The following USP45 variants were observed in gnomAD, a reference collection of about 807,000 sequenced individuals.
USP45 encodes ubiquitin carboxyl-terminal hydrolase 45.
Under a neutral mutation model 95.8 loss-of-function variants are expected in USP45, and 89 were observed. The ratio of observed to expected loss-of-function variants is 0.93; its 90% confidence interval spans 0.78 to 1.11. The LOEUF (loss-of-function observed/expected upper bound fraction) is 1.11, where lower values mean the gene tolerates loss of function less well. Ranked by LOEUF, USP45 falls within the 50% of genes least tolerant of loss-of-function variation. USP45 has a pLI of 0.00. For missense variants in USP45, 898 were observed against 942.5 expected (o/e 0.95, Z 0.62); for synonymous variants, 281 against 316.2 (o/e 0.89, Z 1.18).
rs891436891 is a variant in USP45, at chr6:99,446,021, G to T, written c.1751C>A (p.Ser584Ter). The change falls in exon 14 of 18, where the codon TCA (serine) becomes TAA (stop). Residue 584 changes from serine to a stop codon, truncating the protein, a stop_gained. Transcript: ENST00000500704. LOFTEE classifies it high-confidence loss of function. The stretch of plus-strand genomic sequence containing the variant: ...CCCCTCTAAAAAACATAAATTATTT[G>T]AAATATTTAGTGGCTGATTTTCTCT... ...FDRENQPLNI[S>*]NNLCFLEGKH... is the part of the protein sequence containing the mutation. The T allele has an allele frequency of 3.7e-6, 6 of 1,613,866 alleles. No individual in the cohort carries two copies. Among genetic ancestry groups the T allele is most frequent in the African/African-American group, 1.3e-5 (1 of 74,898 alleles).
At chr6:99,444,255 T>A (rs909488579) in intron 14 of USP45, among the ~76,000 whole-genome samples, 1 of 152,160 alleles carries the variant, frequency 6.6e-6, no homozygotes, top group Non-Finnish European at 1.5e-5. Flanking sequence ...CTACAAGCGA[T>A]CCTCATGCCT....
rs546482266 is a variant in USP45 at position 99,512,800 on chromosome 6, T to C, written c.-10-2570A>G. ...CTGAGTTCCTTGAGCACTTCATCTC[T>C]ACCTTCTCCCTCCAAACTTCCTCAT... On this transcript the variant is annotated intron_variant, in intron 1 of 17. Coordinates refer to ENST00000500704, the MANE Select transcript of USP45 (RefSeq NM_001346022.3). Among the ~76,000 whole-genome samples the C allele has an allele frequency of 4.6e-5, 7 of 150,930 alleles. No homozygotes were observed. The East Asian group carries it at 7.9e-4, about 17-fold the overall frequency.
chr6:99,449,073 A>G (rs1562315228), intron 13 of USP45, among the ~76,000 whole-genome samples: 1 of 152,236 alleles, frequency 6.6e-6, no homozygotes, highest in Non-Finnish European at 1.5e-5. Context: ...AAAACATGCC[A>G]AACTGTAAAG....
rs1248403117 is a variant in USP45, at chr6:99,494,939, T to TA, written c.479-6120dup. 2.6e-5 allele frequency among the ~76,000 whole-genome samples: 4 copies of TA among 151,920 alleles called. No homozygotes were observed. In the East Asian group the frequency reaches 5.8e-4, roughly 22 times the overall value. ...GTTCAAGGATATTAAATCATAAACATAAAAAAACTCAAAAGTACCAGCAAA... is the reference window on the plus strand; with the variant it reads ...GTTCAAGGATATTAAATCATAAACATAAAAAAAACTCAAAAGTACCAGCAAA... On this transcript the variant is annotated intron_variant, in intron 5 of 17. Transcript: ENST00000500704.
intron 16 of USP45, among the ~76,000 whole-genome samples, chr6:99,439,055 T>G (rs767186220): frequency 6.6e-6 from 1 of 152,238 alleles, no homozygotes; most frequent in Non-Finnish European, 1.5e-5. Flanking sequence ...ACACTGTAAT[T>G]CAACCAAAAA....
chr6:99,473,328 T>C (rs1228320711), intron 9 of USP45, among the ~76,000 whole-genome samples: 1 of 151,520 alleles, frequency 6.6e-6, no homozygotes, highest in Non-Finnish European at 1.5e-5. Flanking sequence ...TTACTTGAGG[T>C]CCGGAGTTCG....
In USP45 at chr6:99,461,667, T is replaced by G. The variant is rs185590777; in HGVS notation, c.1308+2937A>C. 9.6e-4 allele frequency: 945 copies of G among 984,326 alleles called. 11 individuals are homozygous for G. In the African/African-American group the frequency reaches 0.015, roughly 16 times the overall value. 61.0% of individuals were successfully genotyped at this position (984,326 alleles called of 1,614,324 possible). A position where few individuals can be genotyped will look rare whatever the true frequency, so the allele number is the denominator to read the frequency against. ...TTCTTCATATTAAGTTTTTGTGTGG[T>G]TTTAATGAGATAACTCATATAATTT... On this transcript the variant is annotated intron_variant, in intron 13 of 17. Transcript: ENST00000500704.
intron 5 of USP45, among the ~76,000 whole-genome samples, chr6:99,501,370 A>G (rs186578150): frequency 1.7e-3 from 263 of 152,314 alleles, no homozygotes; most frequent in Non-Finnish European, 2.3e-3. Flanking sequence ...AAAAAATAAA[A>G]ATTCCTTACC....
chr6:99,496,758 TA>T (rs796331280), intron 5 of USP45, among the ~76,000 whole-genome samples: 162 of 149,868 alleles, frequency 1.1e-3, no homozygotes, highest in Admixed American at 3.7e-3. Context: ...TGGCCCACTT[TA>T]AAAAAAAAAA....
At chr6:99,452,938 A>G (rs1046051046) in intron 13 of USP45, among the ~76,000 whole-genome samples, 1 of 152,170 alleles carries the variant, frequency 6.6e-6, no homozygotes, top group Non-Finnish European at 1.5e-5. Flanking sequence ...CAAAAAACCA[A>G]ACACTGCATG....
chr6:99,473,652 G>A (rs937797884), intron 9 of USP45, among the ~76,000 whole-genome samples: 3 of 152,056 alleles, frequency 2.0e-5, no homozygotes, highest in Non-Finnish European at 4.4e-5. Context: ...CTACTCGGGA[G>A]GCTGAGGCAG....
chr6:99,475,754 C>G (rs1227940739), intron 9 of USP45, among the ~76,000 whole-genome samples: 1 of 152,148 alleles, frequency 6.6e-6, no homozygotes, highest in African/African-American at 2.4e-5. Flanking sequence ...AATATTTACT[C>G]TAAAAAATTA....
intron 13 of USP45, among the ~76,000 whole-genome samples, chr6:99,464,035 A>C (rs1342749351): frequency 3.3e-5 from 5 of 152,002 alleles, no homozygotes; most frequent in Non-Finnish European, 7.4e-5. Context: ...TGCTGGGCGC[A>C]GTGGCTCACT....
intron 4 of USP45, among the ~76,000 whole-genome samples, chr6:99,505,453 G>T (rs1215982008): frequency 1.3e-5 from 2 of 151,922 alleles, no homozygotes; most frequent in Non-Finnish European, 2.9e-5. Context: ...ATCACTTGAG[G>T]TTGGGAGTTC....
intron 15 of USP45, among the ~76,000 whole-genome samples, chr6:99,440,892 GT>G (rs1010342586): frequency 6.6e-6 from 1 of 152,088 alleles, no homozygotes; most frequent in Non-Finnish European, 1.5e-5. Context: ...CAGCTATTGT[GT>G]TCTCCTCAAT....
chr6:99,454,890 C>T (rs188943403), intron 13 of USP45, among the ~76,000 whole-genome samples: 6 of 151,682 alleles, frequency 4.0e-5, no homozygotes, highest in Admixed American at 2.6e-4. Context: ...AGTTCAAGAC[C>T]ATCCTGGCCA....
Position 99,476,154 on chromosome 6 carries a change from C to T in USP45, c.922G>A (p.Glu308Lys), listed in dbSNP as rs1237380252. 1 of 1,613,734 alleles carries T rather than the reference C, an allele frequency of 6.2e-7. No individual in the cohort carries two copies. Among genetic ancestry groups the T allele is most frequent in the East Asian group, 2.2e-5 (1 of 44,862 alleles). ...TAAAGAAACCTGACCTTTGTTTCTT[C>T]TGTCCTCACTGCATCCAGAAGATAA... ...LHYLLDAVRT[E>K]ETKRIQASIL... Residue 308 changes from glutamate (E) to lysine (K), a missense_variant, in exon 9 of 18, where the codon GAA (glutamate) becomes AAA (lysine). Transcript: ENST00000500704.
At chr6:99,439,976 A>C in intron 15 of USP45, 121 bp from the exon 16 acceptor site, 1 of 584,930 alleles carries the variant, frequency 1.7e-6, no homozygotes. Flanking sequence ...AATGTGACTA[A>C]TGTATAGTCT....
chr6:99,437,489 A>C (rs995777715), intron 16 of USP45, 90 bp from the exon 17 acceptor site: 1 of 1,259,726 alleles, frequency 7.9e-7, no homozygotes, highest in Non-Finnish European at 1.1e-6. Flanking sequence ...GCTTAACATA[A>C]GAAAAATGCA....
Sources: gnomAD v4.1 joint callset for allele counts (sites outside exome capture counted in the v4.1 genomes callset) on GRCh38, gnomAD v4.1.1 for gene constraint, MANE v1.5 for transcripts, NCBI Gene and HGNC (gene_info 2026-07-23, HGNC 2026-07-21) for gene names.